The following MGAT4C variants were observed in gnomAD, a reference collection of about 807,000 sequenced individuals.
MGAT4C encodes MGAT4 family member C.
In MGAT4C, 19 loss-of-function variants were observed where a neutral mutation model predicts 40.1. The observed-to-expected ratio is 0.47, with a 90% confidence interval of 0.33 to 0.70. The LOEUF is 0.70. MGAT4C is among the 30% of genes least tolerant of loss of function. The pLI is 0.02. For missense variants in MGAT4C, 491 were observed against 563.2 expected, an observed-to-expected ratio of 0.87 and a Z score of 1.30; for synonymous variants, 181 against 187.1, an observed-to-expected ratio of 0.97 and a Z score of 0.27.
At chr12:86,142,886 T>A (rs1883031977) in intron 1 of MGAT4C, among the ~76,000 whole-genome samples, 2 of 151,894 alleles carry the variant, frequency 1.3e-5, no homozygotes, top group South Asian at 4.2e-4. Flanking sequence ...TATAAGGAGG[T>A]AATTAAGTTA....
At chr12:86,405,878 T>C (rs1467039357) in intron 3 of MGAT4C, among the ~76,000 whole-genome samples, 7 of 145,894 alleles carry the variant, frequency 4.8e-5, no homozygotes, top group Non-Finnish European at 1.1e-4. Flanking sequence ...CTTCAACAAA[T>C]GGTGCTGAAA....
intron 4 of MGAT4C, among the ~76,000 whole-genome samples, chr12:86,281,734 C>G (rs1341827025): frequency 6.6e-6 from 1 of 152,008 alleles, no homozygotes; most frequent in African/African-American, 2.4e-5. Flanking sequence ...TTTAACCCAG[C>G]AAACCTGATT....
chr12:85,972,719 C>T lies in MGAT4C; in HGVS notation c.*6570G>A, dbSNP rs1277639042. On this transcript the variant is annotated 3_prime_UTR_variant, in exon 5 of 5. Transcript: ENST00000611864. Reference sequence around the variant, plus strand: ...AGGATGGACAATTATGATAAAGGATCTGAGATAATTGGACAATTATGATAA... The same window carrying T: ...AGGATGGACAATTATGATAAAGGATTTGAGATAATTGGACAATTATGATAA... The T allele has an allele frequency of 6.6e-6, 1 of 150,822 alleles. No homozygotes were observed. Among genetic ancestry groups the T allele is most frequent in the Non-Finnish European group, 1.5e-5 (1 of 67,144 alleles). The allele number at this position is 150,822 out of a possible 1,614,324, so 9.3% of individuals were successfully genotyped here. A position where few individuals can be genotyped will look rare whatever the true frequency, so the allele number is the denominator to read the frequency against.
intron 2 of MGAT4C, among the ~76,000 whole-genome samples, chr12:86,449,048 A>G (rs1410172710): frequency 1.3e-5 from 2 of 152,202 alleles, no homozygotes; most frequent in African/African-American, 4.8e-5. Flanking sequence ...GAGCAGAGGT[A>G]TATTGTAGAT....
chr12:86,620,757 T>C (rs1333806499), intron 2 of MGAT4C, among the ~76,000 whole-genome samples: 1 of 152,094 alleles, frequency 6.6e-6, no homozygotes, highest in African/African-American at 2.4e-5. Flanking sequence ...TTGTGGGAGG[T>C]GATTGAATCA....
At chr12:86,162,155 A>G (rs532861853) in intron 1 of MGAT4C, among the ~76,000 whole-genome samples, 50 of 152,180 alleles carry the variant, frequency 3.3e-4, no homozygotes, top group Non-Finnish European at 6.2e-4. Context: ...TGTATACTCA[A>G]TGGGAAATAA....
At chr12:86,126,826 C>G (rs1880353745) in intron 1 of MGAT4C, among the ~76,000 whole-genome samples, 1 of 152,078 alleles carries the variant, frequency 6.6e-6, no homozygotes, top group Admixed American at 6.6e-5. Context: ...GGTCCCCAAA[C>G]TTTTTGGCAC....
chr12:86,354,068 T>C (rs986043795), intron 3 of MGAT4C, among the ~76,000 whole-genome samples: 2 of 152,182 alleles, frequency 1.3e-5, no homozygotes, highest in South Asian at 2.1e-4. Context: ...AACTTTGATA[T>C]GATGAATGTG....
chr12:86,629,931 CA>C (rs1477366702), intron 2 of MGAT4C, among the ~76,000 whole-genome samples: 2 of 151,820 alleles, frequency 1.3e-5, no homozygotes, highest in African/African-American at 2.4e-5. Context: ...GACAGAGGCA[CA>C]AAAAACCATT....
chr12:86,307,262 GTGT>G (rs1199024445), intron 4 of MGAT4C, among the ~76,000 whole-genome samples: 2 of 150,516 alleles, frequency 1.3e-5, no homozygotes, highest in South Asian at 2.1e-4. Flanking sequence ...TATCTTTATA[GTGT>G]TGTGGCAAAT....
chr12:86,268,706 T>C (rs990577770), intron 4 of MGAT4C, among the ~76,000 whole-genome samples: 1 of 147,732 alleles, frequency 6.8e-6, no homozygotes, highest in African/African-American at 2.5e-5. Flanking sequence ...TACACATATA[T>C]ATATATACAC....
chr12:86,718,581 G>A (rs1950687621), intron 2 of MGAT4C, among the ~76,000 whole-genome samples: 1 of 152,024 alleles, frequency 6.6e-6, no homozygotes, highest in African/African-American at 2.4e-5. Flanking sequence ...TCTACATCAG[G>A]GGTCCCCAAT....
intron 1 of MGAT4C, among the ~76,000 whole-genome samples, chr12:86,116,380 G>A (rs1003831606): frequency 2.6e-5 from 4 of 151,856 alleles, no homozygotes; most frequent in Non-Finnish European, 5.9e-5. Flanking sequence ...ATACTGGCTC[G>A]GACTAAGCAG....
chr12:86,026,743 T>A lies in MGAT4C; in HGVS notation c.-7+22931A>T, dbSNP rs544776489. Among the ~76,000 whole-genome samples the A allele has an allele frequency of 2.6e-5, 4 of 152,060 alleles. No individual in the cohort carries two copies. In the South Asian group the frequency reaches 8.3e-4, roughly 32 times the overall value. ...GTAGTTCAGTGTTTATTTTCTGCAT[T>A]TCAAATAGATCTTCCCCCAGTAAAT... On this transcript the variant is annotated intron_variant, in intron 2 of 4. Coordinates refer to ENST00000611864, the MANE Select transcript of MGAT4C (RefSeq NM_001351288.2).
chr12:86,354,088 G>A (rs1441377040), intron 3 of MGAT4C, among the ~76,000 whole-genome samples: 1 of 152,162 alleles, frequency 6.6e-6, no homozygotes, highest in Non-Finnish European at 1.5e-5. Context: ...GAATTTCCAG[G>A]TGACAAATTA....
chr12:86,639,212 C>T (rs1565898455), intron 2 of MGAT4C, among the ~76,000 whole-genome samples: 1 of 151,608 alleles, frequency 6.6e-6, no homozygotes, highest in African/African-American at 2.4e-5. Flanking sequence ...AAAAATCCAT[C>T]TGATAATGAA....
intron 2 of MGAT4C, among the ~76,000 whole-genome samples, chr12:86,607,167 T>G (rs1411353554): frequency 6.6e-6 from 1 of 152,084 alleles, no homozygotes; most frequent in Non-Finnish European, 1.5e-5. Flanking sequence ...TATTTAGCTC[T>G]TCTAGAAAGT....
intron 1 of MGAT4C, among the ~76,000 whole-genome samples, chr12:86,112,622 A>T (rs1349186874): frequency 6.6e-6 from 1 of 151,868 alleles, no homozygotes; most frequent in Non-Finnish European, 1.5e-5. Flanking sequence ...TGTGCATAAA[A>T]TAATGACCAA....
intron 1 of MGAT4C, among the ~76,000 whole-genome samples, chr12:86,089,116 G>A (rs1872430496): frequency 6.6e-6 from 1 of 151,772 alleles, no homozygotes; most frequent in African/African-American, 2.4e-5. Context: ...ACAAACCTCA[G>A]CAAAATTATA....
Sources: gnomAD v4.1 joint callset for allele counts (sites outside exome capture counted in the v4.1 genomes callset) on GRCh38, gnomAD v4.1.1 for gene constraint, MANE v1.5 for transcripts, NCBI Gene and HGNC (gene_info 2026-07-23, HGNC 2026-07-21) for gene names.